The following PADI3 variants were observed in gnomAD, a reference collection of about 807,000 sequenced individuals.
PADI3 encodes protein-arginine deiminase type-3.
In PADI3, 53 loss-of-function variants were observed where a neutral mutation model predicts 71.5. The observed-to-expected ratio is 0.74, with a 90% CI of 0.59 to 0.93. PADI3 has a LOEUF of 0.93. PADI3 is among the 40% of genes least tolerant of loss of function. The probability of loss-of-function intolerance (pLI) is 0.00; values close to 1 mark genes in which losing one functional copy is unlikely to be tolerated. For synonymous variants in PADI3, 361 were observed against 347.5 expected (o/e 1.04, Z -0.43); for missense variants, 821 against 868.0 (o/e 0.95, Z 0.68).
intron 3 of PADI3, among the ~76,000 whole-genome samples, chr1:17,265,223 G>A (rs1025114695): frequency 2.0e-5 from 3 of 152,082 alleles, no homozygotes; most frequent in Non-Finnish European, 2.9e-5. Flanking sequence ...TGGGGACTGC[G>A]AGTAGCTCAG....
At chr1:17,278,647 C>T (rs1477548696) in intron 13 of PADI3, among the ~76,000 whole-genome samples, 2 of 152,136 alleles carry the variant, frequency 1.3e-5, no homozygotes, top group East Asian at 1.9e-4. Context: ...AATTCACTCC[C>T]TTTCCAGCCC....
chr1:17,267,795 C>T, intron 5 of PADI3, 42 bp from the exon 6 acceptor site: 1 of 1,606,904 alleles, frequency 6.2e-7, no homozygotes, highest in South Asian at 1.1e-5. Flanking sequence ...GGCCAGGGGC[C>T]AGGACTCCCT....
chr1:17,256,164 G>A (rs758545051), intron 1 of PADI3, among the ~76,000 whole-genome samples: 5 of 152,100 alleles, frequency 3.3e-5, no homozygotes, highest in African/African-American at 4.8e-5. Flanking sequence ...CTCCAGACCC[G>A]TTTCCTGCAC....
rs139540548 is a variant in PADI3, at chr1:17,280,797, G to A, written c.1761+1G>A. ...AGCAACGGCCTTCTTCCCTGACTTG[G>A]TGAGGGCACTACCCATGACTCCTTT... On this transcript the variant is annotated splice_donor_variant, in intron 15 of 15. Transcript: ENST00000375460. LOFTEE classifies it high-confidence loss of function. 79 of 1,613,950 alleles carry A rather than the reference G, an allele frequency of 4.9e-5. No individual in the cohort carries two copies. The African/African-American group carries it at 9.6e-4, about 20-fold the overall frequency.
rs762143337 is a variant in PADI3, at chr1:17,267,898, C to T, written c.588C>T (p.Asp196=). Residue 196 remains aspartate, a synonymous_variant, in exon 6 of 16, where the codon GAC becomes GAT. Transcript: ENST00000375460. The stretch of plus-strand genomic sequence containing the variant: ...AGGGCCCTGCAGCCCTCTTTGATGA[C>T]CACAAACTTGTCCTCCATACCTCCA... ...RTQGPAALFD[D]HKLVLHTSSY... 8.7e-6 allele frequency: 14 copies of T among 1,614,028 alleles called. No individual in the cohort carries two copies. The highest frequency in any genetic ancestry group is 1.2e-5 in the Non-Finnish European group (14 of 1,180,012).
At chr1:17,263,933 T>A (rs1307686879) in intron 3 of PADI3, among the ~76,000 whole-genome samples, 1 of 152,018 alleles carries the variant, frequency 6.6e-6, no homozygotes, top group East Asian at 1.9e-4. Context: ...TGGGTGGGAG[T>A]TTGCTTTGGC....
Position 17,276,886 on chromosome 1 carries a change from A to G in PADI3, c.1555+10A>G, listed in dbSNP as rs1440955980. ...TTCCAGGGGGTTGTTGGTGGGTAAC[A>G]GTGCCGTGTCCCTCCTTGCGGCTTG... On this transcript the variant is annotated intron_variant, in intron 13 of 15. Transcript: ENST00000375460. 7 of 1,602,130 alleles carry G rather than the reference A, an allele frequency of 4.4e-6. No individual in the cohort carries two copies. Among genetic ancestry groups the G allele is most frequent in the Non-Finnish European group, 6.0e-6 (7 of 1,174,004 alleles).
chr1:17,262,274 T>C (rs2073112320), intron 3 of PADI3, 69 bp downstream of exon 3: 2 of 1,169,168 alleles, frequency 1.7e-6, no homozygotes, highest in South Asian at 3.0e-5. Context: ...TACAAAAGAG[T>C]ATACGTTGAA....
intron 1 of PADI3, among the ~76,000 whole-genome samples, chr1:17,249,799 A>G (rs1444757280): frequency 1.3e-5 from 2 of 152,210 alleles, no homozygotes; most frequent in Non-Finnish European, 2.9e-5. Context: ...TCATCAGACA[A>G]ATGAGAAAAC....
intron 15 of PADI3, among the ~76,000 whole-genome samples, chr1:17,281,990 A>C (rs1486368439): frequency 6.6e-6 from 1 of 152,006 alleles, no homozygotes; most frequent in East Asian, 1.9e-4. Context: ...CAATTTGCCC[A>C]TTGTCAGAGC....
chr1:17,257,701 G>C (rs1300235641), intron 1 of PADI3, among the ~76,000 whole-genome samples: 1 of 152,196 alleles, frequency 6.6e-6, no homozygotes, highest in African/African-American at 2.4e-5. Flanking sequence ...CATGTTGGTG[G>C]AAGAGTGAAG....
intron 6 of PADI3, among the ~76,000 whole-genome samples, chr1:17,269,813 T>A (rs1333227548): frequency 1.3e-5 from 2 of 152,086 alleles, no homozygotes; most frequent in Admixed American, 1.3e-4. Flanking sequence ...GAGACAGGGT[T>A]TCACTATGTT....
intron 13 of PADI3, among the ~76,000 whole-genome samples, chr1:17,280,138 A>G (rs2100604528): frequency 6.6e-6 from 1 of 152,352 alleles, no homozygotes; most frequent in East Asian, 1.9e-4. Flanking sequence ...TGTGGCAACC[A>G]GACCCTCCCA....
rs115644619 is a variant in PADI3, at chr1:17,259,062, G to C, written c.93-516G>C. On this transcript the variant is annotated intron_variant, in intron 1 of 15. Transcript: ENST00000375460. Reference sequence around the variant, plus strand: ...ACACAGGGGCTTAGAACATCAGACTGTGTGTATGTTTTTTTGTTTTGTTTT... The same window carrying C: ...ACACAGGGGCTTAGAACATCAGACTCTGTGTATGTTTTTTTGTTTTGTTTT... 6.0e-3 allele frequency among the ~76,000 whole-genome samples: 921 copies of C among 152,306 alleles called. 16 individuals carry two copies. The highest frequency in any genetic ancestry group is 0.02 in the African/African-American group (829 of 41,568).
At position 17,270,225 on chromosome 1, in the gene PADI3, C is replaced by A; in HGVS notation, c.653-8C>A. 1.2e-6 allele frequency: 2 copies of A among 1,606,318 alleles called. No homozygotes were observed. The highest frequency in any genetic ancestry group is 8.5e-7 in the Non-Finnish European group (1 of 1,175,570). The stretch of plus-strand genomic sequence containing the variant: ...GGAGTCACAGCCACCCCGTCCCTCC[C>A]CTTCCAGGTCCTGAGGATGTGTGTG... On this transcript the variant is annotated splice_region_variant and splice_polypyrimidine_tract_variant and intron_variant, in intron 6 of 15. Transcript: ENST00000375460.
chr1:17,254,734 T>TTTTTTGG (rs2073007615), intron 1 of PADI3, among the ~76,000 whole-genome samples: 2 of 147,358 alleles, frequency 1.4e-5, no homozygotes, highest in Non-Finnish European at 3.0e-5. Context: ...TTTTTTTTTT[T>TTTTTTGG]GAGATGGAGT....
At chr1:17,265,264 C>G (rs766349523) in intron 3 of PADI3, among the ~76,000 whole-genome samples, 51 of 152,104 alleles carry the variant, frequency 3.4e-4, no homozygotes, top group Non-Finnish European at 8.8e-5. Flanking sequence ...GCGGCAGAAC[C>G]TGGGTTTGTG....
At chr1:17,264,333 C>CGT (rs1357080649) in intron 3 of PADI3, among the ~76,000 whole-genome samples, 2 of 57,720 alleles carry the variant, frequency 3.5e-5, no homozygotes, top group South Asian at 9.7e-4. Context: ...AGCATATGTA[C>CGT]ACACACACAC....
In PADI3 at chr1:17,260,548, A is replaced by C. The variant is rs560674937; in HGVS notation, c.273+790A>C. 3.5e-4 allele frequency among the ~76,000 whole-genome samples: 54 copies of C among 152,248 alleles called. No homozygotes were observed. In the South Asian group the frequency reaches 0.011, roughly 31 times the overall value. Reference sequence around the variant, plus strand: ...TGGGGGACTGATGCCCATTTCGCAGATGGGGCAACTGAGGTTCAGAGTAAC... The same window carrying C: ...TGGGGGACTGATGCCCATTTCGCAGCTGGGGCAACTGAGGTTCAGAGTAAC... On this transcript the variant is annotated intron_variant, in intron 2 of 15. Transcript: ENST00000375460.
Sources: allele counts gnomAD v4.1 joint callset (sites outside exome capture counted in the v4.1 genomes callset), GRCh38; gene constraint gnomAD v4.1.1; transcripts MANE v1.5; gene names NCBI Gene and HGNC (gene_info 2026-07-23, HGNC 2026-07-21).